The following CBFA2T3 variants were observed in gnomAD, a reference collection of about 807,000 sequenced individuals.
CBFA2T3 encodes CBFA2/RUNX1 partner transcriptional co-repressor 3.
CBFA2T3 carries 31 observed loss-of-function variants against 58.6 expected under a neutral mutation model. The observed-to-expected ratio is 0.53, with a 90% CI of 0.40 to 0.71. The LOEUF is 0.71. Ranked by LOEUF, CBFA2T3 falls within the 30% of genes least tolerant of loss-of-function variation. The pLI, the probability that CBFA2T3 is intolerant of heterozygous loss-of-function variation, is 0.00. For synonymous variants in CBFA2T3, 531 were observed against 421.9 expected (o/e 1.26, Z -3.17); for missense variants, 1,076 against 963.1 (o/e 1.12, Z -1.55).
At chr16:88,891,839 T>A in intron 5 of CBFA2T3, 43 bp downstream of exon 5, 1 of 1,432,358 alleles carries the variant, frequency 7.0e-7, no homozygotes, top group Non-Finnish European at 9.8e-7. Flanking sequence ...TAAGGGGCCT[T>A]CTAGGGAGGC....
intron 1 of CBFA2T3, among the ~76,000 whole-genome samples, chr16:88,903,608 C>A (rs934340771): frequency 6.8e-6 from 1 of 147,954 alleles, no homozygotes; most frequent in Non-Finnish European, 1.5e-5. Context: ...CTGGTGACAA[C>A]CAAAGAAGGT....
At chr16:88,906,720 C>T (rs1012891433) in intron 1 of CBFA2T3, among the ~76,000 whole-genome samples, 3 of 152,228 alleles carry the variant, frequency 2.0e-5, no homozygotes, top group African/African-American at 4.8e-5. Flanking sequence ...CCTGTCACTA[C>T]GCCCACTTTC....
At chr16:88,899,344 T>A (rs1414992786) in intron 2 of CBFA2T3, among the ~76,000 whole-genome samples, 1 of 152,110 alleles carries the variant, frequency 6.6e-6, no homozygotes, top group Non-Finnish European at 1.5e-5. Flanking sequence ...GGGATAAATC[T>A]GAGGCTACCT....
At chr16:88,891,748 C>CCT (rs1459851341) in intron 5 of CBFA2T3, 134 bp downstream of exon 5, 2 of 658,388 alleles carry the variant, frequency 3.0e-6, no homozygotes, top group Non-Finnish European at 5.4e-6. Context: ...ATGCCTCACA[C>CCT]CTCTTCATCC....
intron 9 of CBFA2T3, chr16:88,881,058 A>G: frequency 1.4e-6 from 1 of 706,530 alleles, no homozygotes; most frequent in Non-Finnish European, 2.6e-6. Flanking sequence ...GAGGCGGAGA[A>G]GCAGAGACCC....
chr16:88,888,750 G>C (rs1446199870), intron 5 of CBFA2T3, among the ~76,000 whole-genome samples: 1 of 151,774 alleles, frequency 6.6e-6, no homozygotes, highest in Non-Finnish European at 1.5e-5. Flanking sequence ...CCTCCCCCTA[G>C]AAGCGCCATG....
At chr16:88,941,566 G>T (rs1377903833) in intron 1 of CBFA2T3, among the ~76,000 whole-genome samples, 1 of 148,146 alleles carries the variant, frequency 6.8e-6, no homozygotes, top group African/African-American at 2.4e-5. Flanking sequence ...GGGGCTGTGC[G>T]GAGCGCCGGG....
intron 1 of CBFA2T3, chr16:88,936,885 C>G (rs112865243): frequency 6.6e-6 from 1 of 152,278 alleles, no homozygotes; most frequent in South Asian, 2.1e-4. Context: ...GGGCAAGCTG[C>G]GAGCTCAGAA....
chr16:88,880,256 A>G (rs1969014209), intron 10 of CBFA2T3, among the ~76,000 whole-genome samples: 2 of 151,018 alleles, frequency 1.3e-5, no homozygotes, highest in African/African-American at 4.9e-5. Context: ...CCCCAACCCT[A>G]ACCCCTCTTG....
chr16:88,962,887 G>T (rs886573214), intron 1 of CBFA2T3, among the ~76,000 whole-genome samples: 4 of 152,200 alleles, frequency 2.6e-5, no homozygotes, highest in Non-Finnish European at 5.9e-5. Context: ...TCGGAAGGGA[G>T]CTGGGCAACC....
chr16:88,876,811 G>A lies in CBFA2T3; in HGVS notation c.*165C>T, dbSNP rs980521436. On this transcript the variant is annotated 3_prime_UTR_variant, in exon 12 of 12. Transcript: ENST00000268679. The stretch of plus-strand genomic sequence containing the variant: ...TTTTGTTGGTTCTGTGTCTTCTTTC[G>A]GAGAGGGGCAGTAGCAGCAGTGACT... The A allele has an allele frequency of 2.4e-5, 13 of 536,194 alleles. No individual in the cohort carries two copies. The highest frequency in any genetic ancestry group is 1.0e-4 in the East Asian group (3 of 29,348). 33.2% of individuals were successfully genotyped at this position (536,194 alleles called of 1,614,324 possible). A position where few individuals can be genotyped will look rare whatever the true frequency, so the allele number is the denominator to read the frequency against.
At chr16:88,910,660 C>T (rs1242807678) in intron 1 of CBFA2T3, among the ~76,000 whole-genome samples, 1 of 152,210 alleles carries the variant, frequency 6.6e-6, no homozygotes, top group Non-Finnish European at 1.5e-5. Context: ...GTCTCTGTGC[C>T]ACTCTCTGGT....
Position 88,973,300 on chromosome 16 carries a change from G to A in CBFA2T3, c.151+3357C>T, listed in dbSNP as rs1303926546. On this transcript the variant is annotated intron_variant, in intron 1 of 11. Coordinates refer to ENST00000268679, the MANE Select transcript of CBFA2T3 (RefSeq NM_005187.6). ...AGGAAGATTTGGGAGGGAGGAGACG[G>A]CCTTGCAAAGACAGAGGTAGTGGCT... Among the ~76,000 whole-genome samples the A allele has an allele frequency of 2.6e-5, 4 of 152,208 alleles. No individual in the cohort carries two copies. In the East Asian group the frequency reaches 7.7e-4, roughly 29 times the overall value.
At chr16:88,906,070 G>A (rs1029304014) in intron 1 of CBFA2T3, among the ~76,000 whole-genome samples, 5 of 152,172 alleles carry the variant, frequency 3.3e-5, no homozygotes, top group East Asian at 3.9e-4. Context: ...CAGCAGGGGG[G>A]TCCAGCACTC....
At chr16:88,911,579 C>T (rs1186301266) in intron 1 of CBFA2T3, among the ~76,000 whole-genome samples, 1 of 152,260 alleles carries the variant, frequency 6.6e-6, no homozygotes, top group Admixed American at 6.5e-5. Context: ...TTTCCGTCTC[C>T]TAATCTGGCC....
At chr16:88,950,281 G>A (rs761755864) in intron 1 of CBFA2T3, 10 of 427,228 alleles carry the variant, frequency 2.3e-5, no homozygotes, top group South Asian at 8.4e-5. Context: ...CCCCTGGACC[G>A]GCACCGCCAC....
chr16:88,958,914 A>G lies in CBFA2T3; in HGVS notation c.151+17743T>C, dbSNP rs369594842. Among the ~76,000 whole-genome samples, 15 of 152,176 alleles carry G rather than the reference A, an allele frequency of 9.9e-5. No individual in the cohort carries two copies. The highest frequency in any genetic ancestry group is 7.7e-4 in the East Asian group (4 of 5,166). On this transcript the variant is annotated intron_variant, in intron 1 of 11. Coordinates refer to ENST00000268679, the MANE Select transcript of CBFA2T3 (RefSeq NM_005187.6). The surrounding 1 kb of genome is among the most constrained non-coding windows in gnomAD (Gnocchi z 4.0). Reference sequence around the variant, plus strand: ...CTGCCGCCCTTTTCCCTTTGCCTCCATGGAGCGGGCCTGAGTTCCCAGAGG... The same window carrying G: ...CTGCCGCCCTTTTCCCTTTGCCTCCGTGGAGCGGGCCTGAGTTCCCAGAGG...
At chr16:88,890,709 C>CATTT (rs1189134320) in intron 5 of CBFA2T3, among the ~76,000 whole-genome samples, 1 of 151,988 alleles carries the variant, frequency 6.6e-6, no homozygotes, top group Non-Finnish European at 1.5e-5. Context: ...TGGCTTCATT[C>CATTT]ATTCATTCAT....
rs559530792 is a variant in CBFA2T3 at position 88,892,599 on chromosome 16, A to T, written c.380-114T>A. On this transcript the variant is annotated intron_variant, in intron 3 of 11. Transcript: ENST00000268679. ...GGTGACAATGTCAAAAGTGACGGCA[A>T]CAATGATGAGACACAAGGACAGTAG... The T allele has an allele frequency of 9.0e-6, 11 of 1,222,456 alleles. No individual in the cohort carries two copies. The African/African-American group carries it at 1.3e-4, about 15-fold the overall frequency. The allele number at this position is 1,222,456 out of a possible 1,614,324, so 75.7% of individuals were successfully genotyped here.
Sources: allele counts gnomAD v4.1 joint callset (sites outside exome capture counted in the v4.1 genomes callset), GRCh38; gene constraint gnomAD v4.1.1; non-coding constraint Gnocchi (gnomAD v3.1); transcripts MANE v1.5; gene names NCBI Gene and HGNC (gene_info 2026-07-23, HGNC 2026-07-21).